PRKCA: variants seen among roughly 807,000 people sequenced by gnomAD.
PRKCA encodes protein kinase C alpha.
PRKCA carries 27 observed loss-of-function variants against 87.0 expected under a neutral mutation model. That is an observed-to-expected ratio of 0.31 (90% CI 0.23 to 0.43). The LOEUF (loss-of-function observed/expected upper bound fraction) is 0.43, where lower values mean the gene tolerates loss of function less well. PRKCA is among the 20% of genes least tolerant of loss of function. The probability of loss-of-function intolerance (pLI) is 1.00; values close to 1 mark genes in which losing one functional copy is unlikely to be tolerated. For missense variants in PRKCA, 518 were observed against 852.3 expected (o/e 0.61, Z 4.88); for synonymous variants, 329 against 311.1 (o/e 1.06, Z -0.61).
intron 2 of PRKCA, among the ~76,000 whole-genome samples, chr17:66,342,906 A>G (rs1907132920): frequency 6.6e-6 from 1 of 152,196 alleles, no homozygotes; most frequent in African/African-American, 2.4e-5. Flanking sequence ...ATCCTTGTTC[A>G]TAGAAAGATG....
chr17:66,386,389 C>A (rs79461368), intron 2 of PRKCA, among the ~76,000 whole-genome samples: 1 of 152,198 alleles, frequency 6.6e-6, no homozygotes, highest in Non-Finnish European at 1.5e-5. Context: ...AACAAAGCTG[C>A]AGTGAATATC....
rs567070291 is a variant in PRKCA at position 66,648,021 on chromosome 17, A to G, written c.529+2510A>G. ...TAAATAATGGGAATTGATGTATCAC[A>G]ATTCTGGAAGCTGGGAAGTACAAGA... On this transcript the variant is annotated intron_variant, in intron 5 of 16. Coordinates refer to ENST00000413366, the MANE Select transcript of PRKCA (RefSeq NM_002737.3). Among the ~76,000 whole-genome samples the G allele has an allele frequency of 3.3e-5, 5 of 152,278 alleles. 1 individual carries two copies. The highest frequency in any genetic ancestry group is 1.2e-4 in the African/African-American group (5 of 41,544).
intron 2 of PRKCA, among the ~76,000 whole-genome samples, chr17:66,474,763 G>A (rs1174162163): frequency 6.6e-6 from 1 of 152,110 alleles, no homozygotes; most frequent in African/African-American, 2.4e-5. Context: ...GGTTGAATTC[G>A]GTAGTTTTAG....
chr17:66,752,220 G>A (rs751194290), intron 13 of PRKCA, among the ~76,000 whole-genome samples: 9 of 152,332 alleles, frequency 5.9e-5, no homozygotes, highest in South Asian at 2.1e-4. Flanking sequence ...GGAGCACTCC[G>A]GAAAGCCTTG....
At chr17:66,519,182 A>G (rs554960234) in intron 3 of PRKCA, among the ~76,000 whole-genome samples, 1 of 152,178 alleles carries the variant, frequency 6.6e-6, no homozygotes, top group South Asian at 2.1e-4. Context: ...CTTATTGAGA[A>G]AGGAGGATTT....
intron 16 of PRKCA, chr17:66,796,757 C>T (rs928625483): frequency 2.0e-6 from 2 of 985,256 alleles, no homozygotes; most frequent in African/African-American, 1.7e-5. Context: ...CGCTGTGCAA[C>T]CACAAGTCAG....
intron 8 of PRKCA, among the ~76,000 whole-genome samples, chr17:66,729,780 CTTTTTTT>C (rs60247180): frequency 4.8e-5 from 5 of 105,104 alleles, no homozygotes; most frequent in African/African-American, 1.5e-4. Flanking sequence ...GCGAGTTATT[CTTTTTTT>C]TTTTTTTTTT....
intron 2 of PRKCA, among the ~76,000 whole-genome samples, chr17:66,467,424 T>G (rs542052040): frequency 3.5e-4 from 53 of 152,356 alleles, no homozygotes; most frequent in Admixed American, 3.4e-3. Context: ...GGCTTTTGAC[T>G]AAATAATAGC....
chr17:66,671,464 C>T (rs748509279), intron 5 of PRKCA, among the ~76,000 whole-genome samples: 3 of 152,006 alleles, frequency 2.0e-5, no homozygotes, highest in South Asian at 4.1e-4. Flanking sequence ...AGGGTTATTG[C>T]GGAGGTTAGT....
At chr17:66,335,401 C>G (rs1229723731) in intron 2 of PRKCA, among the ~76,000 whole-genome samples, 1 of 151,916 alleles carries the variant, frequency 6.6e-6, no homozygotes, top group East Asian at 1.9e-4. Flanking sequence ...TCTCAAAGTG[C>G]TGGGATTACA....
chr17:66,577,919 T>C (rs1262297788), intron 3 of PRKCA, among the ~76,000 whole-genome samples: 1 of 152,002 alleles, frequency 6.6e-6, no homozygotes, highest in African/African-American at 2.4e-5. Flanking sequence ...CATGCTTAGC[T>C]TCCGACCCCT....
chr17:66,768,244 ATT>A (rs148009151), intron 13 of PRKCA, among the ~76,000 whole-genome samples: 11,063 of 132,364 alleles, frequency 0.084, 601 homozygotes, highest in East Asian at 0.22. Flanking sequence ...ATGCCCAGCC[ATT>A]TTTTTTTTTT....
At chr17:66,590,598 C>T (rs1162244596) in intron 3 of PRKCA, among the ~76,000 whole-genome samples, 64 of 152,152 alleles carry the variant, frequency 4.2e-4, no homozygotes, top group Non-Finnish European at 8.8e-5. Context: ...CCTGTAATCC[C>T]AGCACTTTGG....
chr17:66,765,454 A>ATATATATATC lies in PRKCA; in HGVS notation c.1525-8532_1525-8531insATATATATCT, dbSNP rs1218360664. Among the ~76,000 whole-genome samples, 504 of 129,986 alleles carry ATATATATATC rather than the reference A, an allele frequency of 3.9e-3. 3 individuals carry two copies. The highest frequency in any genetic ancestry group is 5.4e-3 in the East Asian group (24 of 4,452). The allele number at this position is 129,986 out of a possible 152,430, so 85.3% of individuals were successfully genotyped here. ...TATATATATATATATATATATATAT[A>ATATATATATC]TCCATATATATACATATTTGTCCAT... is the stretch of plus-strand genomic sequence containing the variant. On this transcript the variant is annotated intron_variant, in intron 13 of 16. Coordinates refer to ENST00000413366, the MANE Select transcript of PRKCA (RefSeq NM_002737.3).
chr17:66,777,976 TG>T (rs62621678), intron 14 of PRKCA: 1 of 985,334 alleles, frequency 1.0e-6, no homozygotes, highest in East Asian at 1.1e-4. Flanking sequence ...AAGTCCCCTT[TG>T]GGGGGTGCAT....
chr17:66,761,164 G>C (rs897976525), intron 13 of PRKCA, among the ~76,000 whole-genome samples: 2 of 152,048 alleles, frequency 1.3e-5, no homozygotes, highest in African/African-American at 4.8e-5. Flanking sequence ...AAGGTCAGGA[G>C]ATTGAGACCA....
intron 3 of PRKCA, among the ~76,000 whole-genome samples, chr17:66,509,178 A>ATGTGTGTGTGTG (rs35472661): frequency 1.4e-5 from 2 of 147,060 alleles, no homozygotes; most frequent in Admixed American, 6.8e-5. Context: ...GTGTGTGTGT[A>ATGTGTGTGTGTG]TGTGTGTGTG....
intron 2 of PRKCA, among the ~76,000 whole-genome samples, chr17:66,425,916 C>T (rs900538236): frequency 2.6e-5 from 4 of 152,052 alleles, no homozygotes; most frequent in East Asian, 1.9e-4. Flanking sequence ...ACACATATTT[C>T]GTCCTGGTAG....
chr17:66,681,154 G>T (rs1031259299), intron 5 of PRKCA, among the ~76,000 whole-genome samples: 2 of 152,124 alleles, frequency 1.3e-5, no homozygotes, highest in African/African-American at 2.4e-5. Flanking sequence ...ACTTGAACCC[G>T]GGAGGCGGAA....
Sources: gnomAD v4.1 joint callset for allele counts (sites outside exome capture counted in the v4.1 genomes callset) on GRCh38, gnomAD v4.1.1 for gene constraint, MANE v1.5 for transcripts, NCBI Gene and HGNC (gene_info 2026-07-23, HGNC 2026-07-21) for gene names.